PEX19: variants seen among roughly 807,000 people sequenced by gnomAD.
PEX19 encodes 33 kDa housekeeping protein.
Under a neutral mutation model 36.3 loss-of-function variants are expected in PEX19, and 29 were observed. That is an observed-to-expected ratio of 0.80 (90% CI 0.60 to 1.09). PEX19 has a LOEUF of 1.09. Ranked by LOEUF, PEX19 falls within the 50% of genes least tolerant of loss-of-function variation. PEX19 has a pLI of 0.00. For missense variants in PEX19, 396 were observed against 368.1 expected, an observed-to-expected ratio of 1.08 and a Z score of -0.62; for synonymous variants, 141 against 135.2, an observed-to-expected ratio of 1.04 and a Z score of -0.30.
chr1:160,282,264 A>G (rs1397994447), intron 4 of PEX19, 64 bp from the exon 5 acceptor site: 1 of 1,562,752 alleles, frequency 6.4e-7, no homozygotes, highest in African/African-American at 1.4e-5. Context: ...CCACTCTCTC[A>G]GGTGACAAAG....
chr1:160,280,524 T>C (rs1044489013), intron 5 of PEX19, among the ~76,000 whole-genome samples: 1 of 151,886 alleles, frequency 6.6e-6, no homozygotes. Flanking sequence ...GTTTTTTTTT[T>C]CTTTTTTTTC....
Position 160,278,746 on chromosome 1 carries a change from G to T in PEX19, c.*805C>A, listed in dbSNP as rs1410029129. On this transcript the variant is annotated 3_prime_UTR_variant, in exon 8 of 8. Transcript: ENST00000368072. Reference sequence around the variant, plus strand: ...TGGACTAGATGAGGGGAAATAGGATGGGCCCTTCTTTATCACAGCTTGAGC... The same window carrying T: ...TGGACTAGATGAGGGGAAATAGGATTGGCCCTTCTTTATCACAGCTTGAGC... 6 of 454,084 alleles carry T rather than the reference G, an allele frequency of 1.3e-5. No individual in the cohort carries two copies. Among genetic ancestry groups the T allele is most frequent in the Non-Finnish European group, 2.2e-5 (5 of 226,796 alleles). The allele number at this position is 454,084 out of a possible 1,614,324, so 28.1% of individuals were successfully genotyped here.
chr1:160,282,340 G>T, intron 4 of PEX19, 77 bp downstream of exon 4: 2 of 1,417,734 alleles, frequency 1.4e-6, no homozygotes, highest in Non-Finnish European at 2.0e-6. Context: ...GATACTCAAA[G>T]CATCTGTCTT....
intron 3 of PEX19, among the ~76,000 whole-genome samples, 170 bp from the exon 4 acceptor site, chr1:160,282,672 G>A (rs1416327277): frequency 6.6e-6 from 1 of 152,084 alleles, no homozygotes; most frequent in African/African-American, 2.4e-5. Context: ...TTTAGTACAC[G>A]GACTCTGCAT....
At position 160,285,048 on chromosome 1, in the gene PEX19, C is replaced by A. The variant is rs758203051; in HGVS notation, c.70+7G>T. 2.5e-6 allele frequency: 4 copies of A among 1,606,938 alleles called. No homozygotes were observed. Among genetic ancestry groups the A allele is most frequent in the Non-Finnish European group, 3.4e-6 (4 of 1,173,354 alleles). On this transcript the variant is annotated splice_region_variant and intron_variant, in intron 1 of 7. Coordinates refer to ENST00000368072, the MANE Select transcript of PEX19 (RefSeq NM_002857.4). ...CTCTTCGGGCCTTTCCCACTATGGGCTCTTACTTTCCAGAAGCTCCTCCAA... is the reference window on the plus strand; with the variant it reads ...CTCTTCGGGCCTTTCCCACTATGGGATCTTACTTTCCAGAAGCTCCTCCAA...
intron 5 of PEX19, among the ~76,000 whole-genome samples, chr1:160,280,797 G>C (rs1251171423): frequency 6.6e-6 from 1 of 152,158 alleles, no homozygotes; most frequent in Non-Finnish European, 1.5e-5. Flanking sequence ...GGGACTATAG[G>C]AGTGAGCCAC....
rs1157412500 is a variant in PEX19 at position 160,276,926 on chromosome 1, A to G, written c.*2625T>C. 2.2e-6 allele frequency: 1 copy of G among 451,422 alleles called. No individual in the cohort carries two copies. Among genetic ancestry groups the G allele is most frequent in the African/African-American group, 2.0e-5 (1 of 50,026 alleles). The allele number at this position is 451,422 out of a possible 1,614,324, so 28.0% of individuals were successfully genotyped here. On this transcript the variant is annotated 3_prime_UTR_variant, in exon 8 of 8. Coordinates refer to ENST00000368072, the MANE Select transcript of PEX19 (RefSeq NM_002857.4). Reference sequence around the variant, plus strand: ...AAAGGAGCAACTCCTTTAAAGTTTGAGAGTCGCATAAATATTTCATATACA... The same window carrying G: ...AAAGGAGCAACTCCTTTAAAGTTTGGGAGTCGCATAAATATTTCATATACA...
chr1:160,281,657 C>T lies in PEX19; in HGVS notation c.594+382G>A, dbSNP rs368032006. Among the ~76,000 whole-genome samples the T allele has an allele frequency of 1.8e-4, 28 of 152,312 alleles. No individual in the cohort carries two copies. In the South Asian group the frequency reaches 5.2e-3, roughly 28 times the overall value. ...CTGACCTCAGGTGATCCACCCGCCT[C>T]GGCCTCCCAAGGTGCTGGGATTACA... On this transcript the variant is annotated intron_variant, in intron 5 of 7. Transcript: ENST00000368072.
chr1:160,283,609 G>T lies in PEX19; in HGVS notation c.101C>A (p.Pro34His). 6.2e-7 allele frequency: 1 copy of T among 1,614,110 alleles called. No homozygotes were observed. The highest frequency in any genetic ancestry group is 8.5e-7 in the Non-Finnish European group (1 of 1,179,956). The change falls in exon 2 of 8, where the codon CCC becomes CAC. Residue 34 changes from proline to histidine, a missense_variant. Coordinates refer to ENST00000368072, the MANE Select transcript of PEX19 (RefSeq NM_002857.4). ...GGTGGTAGAAGGGGGTGCTGGGGAG[G>T]GTTTGGCTTTATCGAAATCATCAAG... is the stretch of plus-strand genomic sequence containing the variant. ...SALDDFDKAKPSPAPPSTTTA... is the reference protein window; with the variant it reads ...SALDDFDKAKHSPAPPSTTTA...
chr1:160,279,576 C>A lies in PEX19; in HGVS notation c.875G>T (p.Ser292Ile). Residue 292 changes from serine (S) to isoleucine (I), a missense_variant, in exon 8 of 8, where the codon AGT (serine) becomes ATT (isoleucine). By Grantham distance (142) the Ser-to-Ile change is moderately radical. Transcript: ENST00000368072. ...ALNLSGPPGA[S>I]GEQCLIM Reference sequence around the variant, plus strand: ...TCACATGATCAGACACTGTTCACCACTGGCACCTGGTGGGCCCGAAAGATT... The same window carrying A: ...TCACATGATCAGACACTGTTCACCAATGGCACCTGGTGGGCCCGAAAGATT... 6.2e-7 allele frequency: 1 copy of A among 1,614,176 alleles called. No homozygotes were observed. Among genetic ancestry groups the A allele is most frequent in the Non-Finnish European group, 8.5e-7 (1 of 1,179,994 alleles).
chr1:160,281,550 C>T (rs970530287), intron 5 of PEX19, among the ~76,000 whole-genome samples: 2 of 152,276 alleles, frequency 1.3e-5, no homozygotes, highest in African/African-American at 2.4e-5. Flanking sequence ...CGATCACAGG[C>T]GTGAGCCACT....
Position 160,280,256 on chromosome 1 carries a change from G to C in PEX19, c.595-10C>G. The C allele has an allele frequency of 6.2e-7, 1 of 1,610,690 alleles. No homozygotes were observed. Among genetic ancestry groups the C allele is most frequent in the Non-Finnish European group, 8.5e-7 (1 of 1,176,864 alleles). On this transcript the variant is annotated splice_polypyrimidine_tract_variant and intron_variant, in intron 5 of 7. Transcript: ENST00000368072. The stretch of plus-strand genomic sequence containing the variant: ...GCAACCATTCTGGATACTAAGAAAA[G>C]AGAGAATGGGTGGAAAAGAATTAAG...
chr1:160,280,629 C>T (rs568622391), intron 5 of PEX19, among the ~76,000 whole-genome samples: 1 of 152,128 alleles, frequency 6.6e-6, no homozygotes, highest in East Asian at 1.9e-4. Context: ...GCAATCCTCC[C>T]ACCTGAGCCT....
Position 160,279,414 on chromosome 1 carries a change from C to T in PEX19, c.*137G>A. ...AGAGGAAAAACCTCAGCTGGTATGG[C>T]ACAATCTTGAATGGGATGACAGAGG... On this transcript the variant is annotated 3_prime_UTR_variant, in exon 8 of 8. Transcript: ENST00000368072. 1.3e-6 allele frequency: 1 copy of T among 778,184 alleles called. No individual in the cohort carries two copies. The highest frequency in any genetic ancestry group is 2.3e-6 in the Non-Finnish European group (1 of 435,720). The allele number at this position is 778,184 out of a possible 1,614,324, so 48.2% of individuals were successfully genotyped here.
At chr1:160,282,357 C>T in intron 4 of PEX19, 60 bp downstream of exon 4, 1 of 1,467,346 alleles carries the variant, frequency 6.8e-7, no homozygotes, top group Non-Finnish European at 9.6e-7. Context: ...TCTTTTGAGA[C>T]TCTGCTGGAG....
chr1:160,283,615 G>A lies in PEX19; in HGVS notation c.95C>T (p.Ala32Val), dbSNP rs1329430345. The change falls in exon 2 of 8, where the codon GCC (alanine) becomes GTC (valine). Residue 32 changes from alanine (A) to valine (V), a missense_variant. Coordinates refer to ENST00000368072, the MANE Select transcript of PEX19 (RefSeq NM_002857.4). Reference sequence around the variant, plus strand: ...AGAAGGGGGTGCTGGGGAGGGTTTGGCTTTATCGAAATCATCAAGAGCACC... The same window carrying A: ...AGAAGGGGGTGCTGGGGAGGGTTTGACTTTATCGAAATCATCAAGAGCACC... ...LESALDDFDK[A>V]KPSPAPPSTT... 2 of 1,614,100 alleles carry A rather than the reference G, an allele frequency of 1.2e-6. No individual in the cohort carries two copies. Among genetic ancestry groups the A allele is most frequent in the Non-Finnish European group, 1.7e-6 (2 of 1,179,946 alleles).
At chr1:160,283,909 G>T (rs1157118145) in intron 1 of PEX19, among the ~76,000 whole-genome samples, 1 of 152,180 alleles carries the variant, frequency 6.6e-6, no homozygotes, top group Non-Finnish European at 1.5e-5. Context: ...GGATTAAAAA[G>T]TTCTGCAGAG....
chr1:160,282,194 T>C lies in PEX19; in HGVS notation c.439A>G (p.Ser147Gly), dbSNP rs1557854578. Residue 147 changes from serine (S) to glycine (G), a missense_variant, in exon 5 of 8, where the codon AGC becomes GGC. Coordinates refer to ENST00000368072, the MANE Select transcript of PEX19 (RefSeq NM_002857.4). ...TTGGTCAGCTCTTCTTCCGACATGC[T>C]GGAGTTCTAGATAGGACAAGTAAGA... is the stretch of plus-strand genomic sequence containing the variant. ...AKNATDLQNSSMSEEELTKAM... is the reference protein window; with the variant it reads ...AKNATDLQNSGMSEEELTKAM... 6.2e-7 allele frequency: 1 copy of C among 1,614,154 alleles called. No individual in the cohort carries two copies. Among genetic ancestry groups the C allele is most frequent in the Non-Finnish European group, 8.5e-7 (1 of 1,180,016 alleles).
rs1328627657 is a variant in PEX19, at chr1:160,278,660, G to C, written c.*891C>G. On this transcript the variant is annotated 3_prime_UTR_variant, in exon 8 of 8. Coordinates refer to ENST00000368072, the MANE Select transcript of PEX19 (RefSeq NM_002857.4). ...GGGAAGAATAGCCATTAATTTCCTAGACCTGACACTGGGTTTATTTGTGTC... is the reference window on the plus strand; with the variant it reads ...GGGAAGAATAGCCATTAATTTCCTACACCTGACACTGGGTTTATTTGTGTC... The C allele has an allele frequency of 6.6e-6, 3 of 454,218 alleles. No individual in the cohort carries two copies. The highest frequency in any genetic ancestry group is 1.3e-5 in the Non-Finnish European group (3 of 226,896). 28.1% of individuals were successfully genotyped at this position (454,218 alleles called of 1,614,324 possible).
Sources: gnomAD v4.1 joint callset for allele counts (sites outside exome capture counted in the v4.1 genomes callset) on GRCh38, gnomAD v4.1.1 for gene constraint, MANE v1.5 for transcripts, NCBI Gene and HGNC (gene_info 2026-07-23, HGNC 2026-07-21) for gene names.